The following PIK3C3 variants were observed in gnomAD, a reference collection of about 807,000 sequenced individuals.
The protein encoded by PIK3C3 is phosphatidylinositol 3-kinase catalytic subunit type 3, also known as PI3-kinase type 3.
A neutral mutation model predicts 126.1 loss-of-function variants in PIK3C3; 95 were observed. The observed-to-expected ratio is 0.75, with a 90% CI of 0.64 to 0.89. The LOEUF is 0.89. Ranked by LOEUF, PIK3C3 falls within the 40% of genes least tolerant of loss-of-function variation. The probability of loss-of-function intolerance (pLI) is 0.00; values close to 1 mark genes in which losing one functional copy is unlikely to be tolerated. For missense variants in PIK3C3, 829 were observed against 1,063.2 expected (o/e 0.78, Z 3.06); for synonymous variants, 374 against 360.0 (o/e 1.04, Z -0.44).
chr18:41,992,290 C>G (rs1981816907), intron 6 of PIK3C3, among the ~76,000 whole-genome samples: 1 of 152,092 alleles, frequency 6.6e-6, no homozygotes, highest in African/African-American at 2.4e-5. Context: ...GATTACTTGT[C>G]ACAGCTAGGC....
chr18:42,008,438 T>C (rs1008944163), intron 10 of PIK3C3, among the ~76,000 whole-genome samples: 2 of 152,138 alleles, frequency 1.3e-5, no homozygotes, highest in African/African-American at 4.8e-5. Context: ...GGGATATATG[T>C]AGTAGCCATT....
At chr18:42,048,641 T>C (rs1302638751) in intron 20 of PIK3C3, among the ~76,000 whole-genome samples, 2 of 152,212 alleles carry the variant, frequency 1.3e-5, no homozygotes, top group African/African-American at 4.8e-5. Context: ...TTCCAATAAT[T>C]ATGCCATTGC....
intron 13 of PIK3C3, chr18:42,026,017 C>T (rs1983551502): frequency 6.6e-6 from 1 of 152,094 alleles, no homozygotes; most frequent in Non-Finnish European, 1.5e-5. Context: ...TAGTGGAAAG[C>T]ATAATAATAA....
At chr18:42,068,931 C>T (rs888728684) in intron 24 of PIK3C3, among the ~76,000 whole-genome samples, 2 of 122,686 alleles carry the variant, frequency 1.6e-5, no homozygotes, top group African/African-American at 6.2e-5. Flanking sequence ...GCCTGGGCAA[C>T]AGAGCGAGAC....
At chr18:41,982,399 A>G (rs574461007) in intron 4 of PIK3C3, among the ~76,000 whole-genome samples, 3 of 152,330 alleles carry the variant, frequency 2.0e-5, no homozygotes, top group Non-Finnish European at 2.9e-5. Flanking sequence ...GAAGAAAGTG[A>G]GAGAGCAATC....
intron 20 of PIK3C3, among the ~76,000 whole-genome samples, chr18:42,044,750 A>G (rs926299639): frequency 6.6e-6 from 1 of 152,056 alleles, no homozygotes; most frequent in Admixed American, 6.5e-5. Flanking sequence ...TTTTTTTTAT[A>G]ACTAGATTGT....
chr18:42,051,736 A>C (rs1401735353), intron 21 of PIK3C3, among the ~76,000 whole-genome samples: 3 of 152,030 alleles, frequency 2.0e-5, no homozygotes, highest in African/African-American at 7.2e-5. Context: ...GGAAGTTTTC[A>C]TGTGTTATTT....
intron 16 of PIK3C3, among the ~76,000 whole-genome samples, chr18:42,036,054 T>C (rs1162145467): frequency 6.6e-6 from 1 of 152,210 alleles, no homozygotes; most frequent in Non-Finnish European, 1.5e-5. Context: ...CTGTCATTTA[T>C]CTTTAGGAAG....
rs1986385832 is a variant in PIK3C3, at chr18:42,085,796, G to A, written c.*4659G>A. On this transcript the variant is annotated 3_prime_UTR_variant, in exon 25 of 25. Coordinates refer to ENST00000262039, the MANE Select transcript of PIK3C3 (RefSeq NM_002647.4). ...GTAACCCATTTCTGCATGAACCATA[G>A]AATTTAACTAGAATTTGGCTGGCTC... The A allele has an allele frequency of 6.6e-6, 1 of 152,178 alleles. No individual in the cohort carries two copies. The highest frequency in any genetic ancestry group is 1.5e-5 in the Non-Finnish European group (1 of 68,040). 9.4% of individuals were successfully genotyped at this position (152,178 alleles called of 1,614,324 possible).
At chr18:42,054,685 A>G (rs1348762897) in intron 21 of PIK3C3, among the ~76,000 whole-genome samples, 3 of 152,132 alleles carry the variant, frequency 2.0e-5, no homozygotes, top group African/African-American at 4.8e-5. Context: ...CTCTAAAGGC[A>G]AATTTTTGCA....
chr18:42,004,209 T>C (rs1982428082), intron 9 of PIK3C3, 147 bp from the exon 10 acceptor site: 2 of 604,932 alleles, frequency 3.3e-6, no homozygotes, highest in Middle Eastern at 4.4e-4. Context: ...TATAAGATCA[T>C]ATATATAACT....
chr18:41,961,148 TTGTCTGG>T (rs1180199178), intron 2 of PIK3C3, among the ~76,000 whole-genome samples: 2 of 152,242 alleles, frequency 1.3e-5, no homozygotes, highest in Non-Finnish European at 2.9e-5. Context: ...GTCATTGGTG[TTGTCTGG>T]TAGTCATTAA....
intron 3 of PIK3C3, among the ~76,000 whole-genome samples, chr18:41,965,515 T>TG (rs1476702733): frequency 6.6e-6 from 1 of 152,184 alleles, no homozygotes; most frequent in Non-Finnish European, 1.5e-5. Context: ...AGAACCATCC[T>TG]GGAAGCCTAT....
chr18:42,064,456 T>A (rs1241158285), intron 22 of PIK3C3, among the ~76,000 whole-genome samples: 2 of 152,156 alleles, frequency 1.3e-5, no homozygotes, highest in African/African-American at 4.8e-5. Flanking sequence ...TTCTAAAATA[T>A]ATATATATAC....
intron 13 of PIK3C3, among the ~76,000 whole-genome samples, chr18:42,025,069 C>T (rs1983502264): frequency 6.6e-6 from 1 of 152,094 alleles, no homozygotes; most frequent in Non-Finnish European, 1.5e-5. Context: ...ACCTTGGCCT[C>T]CCAAAGTGCT....
chr18:41,991,483 CATA>C lies in PIK3C3; in HGVS notation c.714+930_714+932del, dbSNP rs1981775115. 2.6e-5 allele frequency among the ~76,000 whole-genome samples: 4 copies of C among 152,208 alleles called. No individual in the cohort carries two copies. The South Asian group carries it at 8.3e-4, about 32-fold the overall frequency. Reference sequence around the variant, plus strand: ...ATGATGACAGACTTTTGATACATGGCATAGTAGTAGATTAATATTTCTTCTAGC... The same window carrying C: ...ATGATGACAGACTTTTGATACATGGCGTAGTAGATTAATATTTCTTCTAGC... On this transcript the variant is annotated intron_variant, in intron 6 of 24. Coordinates refer to ENST00000262039, the MANE Select transcript of PIK3C3 (RefSeq NM_002647.4).
chr18:42,006,990 A>G (rs1297341338), intron 10 of PIK3C3, among the ~76,000 whole-genome samples: 1 of 151,458 alleles, frequency 6.6e-6, no homozygotes, highest in Non-Finnish European at 1.5e-5. Context: ...CAGCCTCCCA[A>G]GTAGCTGGGA....
At position 42,076,147 on chromosome 18, in the gene PIK3C3, C is replaced by CATAT. The variant is rs35001905; in HGVS notation, c.2650-4965_2650-4962dup. Among the ~76,000 whole-genome samples, 20 of 34,182 alleles carry CATAT rather than the reference C, an allele frequency of 5.9e-4. 1 individual carries two copies. In the East Asian group the frequency reaches 6.0e-3, roughly 10 times the overall value. The allele number at this position is 34,182 out of a possible 152,430, so 22.4% of individuals were successfully genotyped here. A position where few individuals can be genotyped will look rare whatever the true frequency, so the allele number is the denominator to read the frequency against. Reference sequence around the variant, plus strand: ...GCGCATATATATATATATATATGCGCATATATATATATATGCACATATATA... The same window carrying CATAT: ...GCGCATATATATATATATATATGCGCATATATATATATATATATGCACATATATA... On this transcript the variant is annotated intron_variant, in intron 24 of 24. Coordinates refer to ENST00000262039, the MANE Select transcript of PIK3C3 (RefSeq NM_002647.4).
chr18:42,013,535 A>G lies in PIK3C3; in HGVS notation c.1264A>G (p.Ser422Gly). ...TGGATTGGAACCTACCAAGAAGGAT[A>G]GTCAGAGTTCAGTGTCAGAAAATGT... ...KNGLEPTKKD[S>G]QSSVSENVSN... The change falls in exon 11 of 25, where the codon AGT (serine) becomes GGT (glycine). Residue 422 changes from serine to glycine, a missense_variant. Transcript: ENST00000262039. 6.2e-7 allele frequency: 1 copy of G among 1,603,162 alleles called. No individual in the cohort carries two copies. The highest frequency in any genetic ancestry group is 2.2e-5 in the East Asian group (1 of 44,488).
Sources: allele counts gnomAD v4.1 joint callset (sites outside exome capture counted in the v4.1 genomes callset), GRCh38; gene constraint gnomAD v4.1.1; transcripts MANE v1.5; gene names NCBI Gene and HGNC (gene_info 2026-07-23, HGNC 2026-07-21).